Variants in RARB observed in about 807,000 individuals in gnomAD.
RARB encodes the protein HBV-activated protein.
RARB carries 17 observed loss-of-function variants against 51.9 expected under a neutral mutation model. That is an observed-to-expected ratio of 0.33 (90% CI 0.22 to 0.49). The LOEUF (loss-of-function observed/expected upper bound fraction) is 0.49. Ranked by LOEUF, RARB falls within the 20% of genes least tolerant of loss-of-function variation. The probability of loss-of-function intolerance (pLI) is 0.99; values close to 1 mark genes in which losing one functional copy is unlikely to be tolerated. For synonymous variants in RARB, 215 were observed against 195.4 expected, an observed-to-expected ratio of 1.10 and a Z score of -0.84; for missense variants, 369 against 550.8, an observed-to-expected ratio of 0.67 and a Z score of 3.30.
intron 5 of RARB, chr3:25,324,703 C>G (rs1042893766): frequency 6.4e-6 from 1 of 155,542 alleles, no homozygotes; most frequent in Non-Finnish European, 1.5e-5. Context: ...GACCTGCCCA[C>G]AGGGATTCCA....
chr3:25,406,271 T>G (rs1263890085), intron 5 of RARB, among the ~76,000 whole-genome samples: 1 of 152,164 alleles, frequency 6.6e-6, no homozygotes, highest in African/African-American at 2.4e-5. Flanking sequence ...TGTCCTCCTG[T>G]ATATAGGAAG....
chr3:25,080,446 C>G (rs146498381), intron 3 of RARB, among the ~76,000 whole-genome samples: 2 of 152,178 alleles, frequency 1.3e-5, no homozygotes, highest in African/African-American at 4.8e-5. Flanking sequence ...AGTAGAATGG[C>G]TGGAATGTAT....
chr3:25,531,178 A>G (rs1397488086), intron 3 of RARB, among the ~76,000 whole-genome samples: 1 of 152,170 alleles, frequency 6.6e-6, no homozygotes, highest in Non-Finnish European at 1.5e-5. Flanking sequence ...AGTTATCTCA[A>G]TCCCAATAAG....
intron 4 of RARB, among the ~76,000 whole-genome samples, chr3:25,575,309 C>T (rs1448697037): frequency 6.6e-6 from 1 of 152,204 alleles, no homozygotes; most frequent in Non-Finnish European, 1.5e-5. Context: ...GACCAGTACC[C>T]ATCCACGACC....
chr3:24,911,273 C>T (rs1358594776), intron 2 of RARB, among the ~76,000 whole-genome samples: 1 of 152,060 alleles, frequency 6.6e-6, no homozygotes, highest in Non-Finnish European at 1.5e-5. Flanking sequence ...CACAGACCTC[C>T]CAACAAGTGA....
At chr3:25,259,149 T>C in intron 5 of RARB, 2 of 821,932 alleles carry the variant, frequency 2.4e-6, no homozygotes, top group Non-Finnish European at 1.5e-6. Flanking sequence ...TATTTAATAA[T>C]ATAGTAAATA....
At chr3:25,577,842 C>A (rs1018358425) in intron 4 of RARB, among the ~76,000 whole-genome samples, 1 of 148,210 alleles carries the variant, frequency 6.7e-6, no homozygotes, top group Admixed American at 6.8e-5. Flanking sequence ...TTAAGATGGC[C>A]CTGGGGGGCC....
Position 25,557,160 on chromosome 3 carries a change from C to CACACACACAT in RARB, c.449-12589_449-12588insTACACACACA, listed in dbSNP as rs1320063458. On this transcript the variant is annotated intron_variant, in intron 3 of 7. Transcript: ENST00000330688. ...ATTCACACACACACACACACACACA[C>CACACACACAT]ACACACACACACAATTGCCATGAAA... 2.3e-5 allele frequency among the ~76,000 whole-genome samples: 3 copies of CACACACACAT among 129,696 alleles called. No homozygotes were observed. The East Asian group carries it at 7.9e-4, about 34-fold the overall frequency. The allele number at this position is 129,696 out of a possible 152,430, so 85.1% of individuals were successfully genotyped here.
intron 2 of RARB, among the ~76,000 whole-genome samples, chr3:25,023,168 A>G (rs1350904120): frequency 6.6e-6 from 1 of 152,148 alleles, no homozygotes; most frequent in Non-Finnish European, 1.5e-5. Flanking sequence ...TCAAGTCCAT[A>G]GTAGGCCTAA....
chr3:25,272,445 C>T (rs1359516456), intron 5 of RARB, among the ~76,000 whole-genome samples: 3 of 152,154 alleles, frequency 2.0e-5, no homozygotes, highest in African/African-American at 7.2e-5. Flanking sequence ...TCTGGATGGA[C>T]CCGGACATGG....
intron 5 of RARB, among the ~76,000 whole-genome samples, chr3:25,288,817 C>T (rs940222400): frequency 7.2e-5 from 11 of 151,808 alleles, no homozygotes; most frequent in African/African-American, 2.2e-4. Flanking sequence ...TTGAATTGTC[C>T]CTGTAGAAAT....
intron 2 of RARB, among the ~76,000 whole-genome samples, chr3:25,003,278 G>C (rs1433895480): frequency 2.0e-5 from 3 of 151,838 alleles, no homozygotes; most frequent in Non-Finnish European, 4.4e-5. Flanking sequence ...AAGCAGAACA[G>C]CCATGCTGTT....
chr3:25,085,889 C>A (rs1178557559), intron 3 of RARB, among the ~76,000 whole-genome samples: 2 of 151,976 alleles, frequency 1.3e-5, no homozygotes, highest in African/African-American at 2.4e-5. Context: ...ACAAATAGAC[C>A]AAAATATGTA....
At chr3:25,462,162 G>A (rs1467554382) in intron 2 of RARB, 1 of 152,148 alleles carries the variant, frequency 6.6e-6, no homozygotes, top group Non-Finnish European at 1.5e-5. Flanking sequence ...AAATTCAGGG[G>A]AGCTGGATTT....
chr3:25,537,416 C>T (rs1699185437), intron 3 of RARB, among the ~76,000 whole-genome samples: 1 of 152,208 alleles, frequency 6.6e-6, no homozygotes, highest in East Asian at 1.9e-4. Flanking sequence ...GTGCTGCACT[C>T]TGTTTGCGTG....
intron 2 of RARB, among the ~76,000 whole-genome samples, chr3:25,474,652 C>T (rs1417318895): frequency 1.3e-5 from 2 of 152,096 alleles, no homozygotes; most frequent in Non-Finnish European, 2.9e-5. Flanking sequence ...GCTTGAATAT[C>T]TTTTAGTATG....
intron 2 of RARB, among the ~76,000 whole-genome samples, chr3:24,929,806 C>A (rs967011649): frequency 2.0e-5 from 3 of 152,102 alleles, no homozygotes; most frequent in Non-Finnish European, 4.4e-5. Flanking sequence ...AATGCTGCTA[C>A]ATAGGCTGCT....
At chr3:25,401,486 A>G (rs1575374162) in intron 5 of RARB, among the ~76,000 whole-genome samples, 2 of 152,254 alleles carry the variant, frequency 1.3e-5, no homozygotes, top group African/African-American at 2.4e-5. Context: ...TAGGTGATCC[A>G]GATATTATAA....
chr3:25,362,073 C>T (rs1434702114), intron 5 of RARB, among the ~76,000 whole-genome samples: 1 of 152,182 alleles, frequency 6.6e-6, no homozygotes, highest in African/African-American at 2.4e-5. Context: ...GCTGAAGCTG[C>T]ACCCACAGCC....
Sources: allele counts gnomAD v4.1 joint callset (sites outside exome capture counted in the v4.1 genomes callset), GRCh38; gene constraint gnomAD v4.1.1; transcripts MANE v1.5; gene names NCBI Gene and HGNC (gene_info 2026-07-23, HGNC 2026-07-21).